The following MUS81 variants were observed in gnomAD, a reference collection of about 807,000 sequenced individuals.
The protein encoded by MUS81 is structure-specific endonuclease subunit MUS81.
Under a neutral mutation model 74.2 loss-of-function variants are expected in MUS81, and 69 were observed. The observed-to-expected ratio is 0.93, with a 90% CI of 0.77 to 1.14. The LOEUF is 1.14. Among genes scored for constraint, MUS81 ranks in the 50% most tolerant of loss-of-function variants. MUS81 has a pLI of 0.00. For synonymous variants in MUS81, 303 were observed against 300.6 expected (o/e 1.01, Z -0.08); for missense variants, 711 against 726.5 (o/e 0.98, Z 0.25).
chr11:65,861,579 G>A, intron 3 of MUS81, 144 bp downstream of exon 3: 1 of 661,564 alleles, frequency 1.5e-6, no homozygotes, highest in South Asian at 1.9e-5. Context: ...TTTCGACTTA[G>A]TATTTTAACC....
chr11:65,863,611 G>C lies in MUS81; in HGVS notation c.851G>C (p.Arg284Thr), dbSNP rs1219391440. ...CCTTGCCACTCCAGGGGCGGGCACA[G>C]GCCGGAGCTGCTCCGAGAGCTACAG... ...DIGETRGGGH[R>T]PELLRELQRL... The change falls in exon 9 of 16, where the codon AGG becomes ACG. Residue 284 changes from arginine (R) to threonine (T), a missense_variant. Coordinates refer to ENST00000308110, the MANE Select transcript of MUS81 (RefSeq NM_025128.5). The C allele has an allele frequency of 1.9e-6, 3 of 1,614,010 alleles. No homozygotes were observed. The East Asian group carries it at 6.7e-5, about 36-fold the overall frequency.
In MUS81 at chr11:65,864,728, T is replaced by G; in HGVS notation, c.1185T>G (p.Asp395Glu). ...TGGGTCCTCTTCCCCAGGTCATTGA[T>G]GGCTTTTTTGTGAAGCGCACAGCAG... is the stretch of plus-strand genomic sequence containing the variant. The part of the protein sequence containing the change: ...LQAVTNTQVI[D>E]GFFVKRTADI... The change falls in exon 12 of 16, where the codon GAT (aspartate) becomes GAG (glutamate). Residue 395 changes from aspartate to glutamate, a missense_variant. Asp to Glu is a conservative substitution (Grantham distance 45). Coordinates refer to ENST00000308110, the MANE Select transcript of MUS81 (RefSeq NM_025128.5). 6.2e-7 allele frequency: 1 copy of G among 1,614,130 alleles called. No individual in the cohort carries two copies. The highest frequency in any genetic ancestry group is 1.7e-4 in the Middle Eastern group (1 of 6,060).
intron 10 of MUS81, 140 bp from the exon 11 acceptor site, chr11:65,864,357 C>T: frequency 1.4e-6 from 1 of 721,038 alleles, no homozygotes; most frequent in Non-Finnish European, 2.4e-6. Flanking sequence ...CCCTGTGAGG[C>T]AGGTGGAGAG....
chr11:65,862,366 C>T (rs1409640766), intron 5 of MUS81, 78 bp from the exon 6 acceptor site: 44 of 1,588,412 alleles, frequency 2.8e-5, no homozygotes, highest in Non-Finnish European at 3.7e-5. Flanking sequence ...CCATGTGTGG[C>T]CCATGGCTGG....
chr11:65,861,961 C>A lies in MUS81; in HGVS notation c.366C>A (p.Pro122=), dbSNP rs773803879. Reference sequence around the variant, plus strand: ...GTACCTTTCAGGTTCCTGCCCAGCCCAAAGCGGGAGGCTCTGGCAGCTACT... The same window carrying A: ...GTACCTTTCAGGTTCCTGCCCAGCCAAAAGCGGGAGGCTCTGGCAGCTACT... ...QDSSMPVPAQ[P]KAGGSGSYWP... Residue 122 remains proline (P), a synonymous_variant, in exon 4 of 16, where the codon CCC becomes CCA. Transcript: ENST00000308110. 1 of 1,610,530 alleles carries A rather than the reference C, an allele frequency of 6.2e-7. No individual in the cohort carries two copies. The highest frequency in any genetic ancestry group is 1.7e-5 in the Admixed American group (1 of 59,596).
At position 65,866,190 on chromosome 11, in the gene MUS81, T is replaced by C. The variant is rs1327805092; in HGVS notation, c.*138T>C. ...GTGTCATGTAGAAGATGCCTAGCCC[T>C]GGGGACCTTGTGAAATACGCAGGAA... On this transcript the variant is annotated 3_prime_UTR_variant, in exon 16 of 16. Transcript: ENST00000308110. 1.2e-5 allele frequency: 10 copies of C among 815,112 alleles called. No homozygotes were observed. Among genetic ancestry groups the C allele is most frequent in the African/African-American group, 1.7e-5 (1 of 57,862 alleles). The allele number at this position is 815,112 out of a possible 1,614,324, so 50.5% of individuals were successfully genotyped here.
Position 65,864,793 on chromosome 11 carries a change from G to A in MUS81, c.1250G>A (p.Arg417Gln), listed in dbSNP as rs767593729. The A allele has an allele frequency of 9.9e-6, 16 of 1,613,026 alleles. No individual in the cohort carries two copies. The highest frequency in any genetic ancestry group is 7.7e-5 in the South Asian group (7 of 91,070). The change falls in exon 12 of 16, where the codon CGG (arginine) becomes CAG (glutamine). Residue 417 changes from arginine to glutamine, a missense_variant. Transcript: ENST00000308110. ...GCCGCCTACCTGGCCCTCTTGACGC[G>A]GGGCCTGCAGAGACTCTACCAGGTG... ...ESAAYLALLT[R>Q]GLQRLYQGHT... is the part of the protein sequence containing the mutation.
chr11:65,863,713 G>A lies in MUS81; in HGVS notation c.953G>A (p.Arg318Lys). 1 of 1,614,052 alleles carries A rather than the reference G, an allele frequency of 6.2e-7. No individual in the cohort carries two copies. The highest frequency in any genetic ancestry group is 2.2e-5 in the East Asian group (1 of 44,880). Residue 318 changes from arginine (R) to lysine (K), a missense_variant, in exon 9 of 16, where the codon AGA (arginine) becomes AAA (lysine). Arg to Lys is a conservative substitution (Grantham distance 26, BLOSUM62 2). Transcript: ENST00000308110. ...FVWVAQETNPRDPANPGELVL... is the reference protein window; with the variant it reads ...FVWVAQETNPKDPANPGELVL... The stretch of plus-strand genomic sequence containing the variant: ...TGGGTGGCCCAGGAGACCAATCCTA[G>A]AGACCCAGGTGAAGGGCCGTGGACA...
intron 3 of MUS81, 41 bp from the exon 4 acceptor site, chr11:65,861,906 C>A: frequency 6.6e-7 from 1 of 1,509,208 alleles, no homozygotes; most frequent in Middle Eastern, 1.7e-4. Flanking sequence ...TCAAAGATGA[C>A]TGGCTGGCTT....
intron 3 of MUS81, 179 bp from the exon 4 acceptor site, chr11:65,861,768 G>T (rs1330243282): frequency 4.7e-6 from 3 of 636,440 alleles, no homozygotes; most frequent in Non-Finnish European, 8.4e-6. Context: ...CCACTGCCCC[G>T]AAACTGCCTG....
At chr11:65,864,110 G>C (rs1384414541) in intron 10 of MUS81, 1 of 612,296 alleles carries the variant, frequency 1.6e-6, no homozygotes, top group African/African-American at 1.8e-5. Flanking sequence ...CTTGGGCTGA[G>C]GTCAGGAGCA....
Position 65,866,208 on chromosome 11 carries a change from C to T in MUS81, c.*156C>T, listed in dbSNP as rs112683900. Reference sequence around the variant, plus strand: ...CTAGCCCTGGGGACCTTGTGAAATACGCAGGAACCAGGGATACCATCTGGT... The same window carrying T: ...CTAGCCCTGGGGACCTTGTGAAATATGCAGGAACCAGGGATACCATCTGGT... On this transcript the variant is annotated 3_prime_UTR_variant, in exon 16 of 16. Coordinates refer to ENST00000308110, the MANE Select transcript of MUS81 (RefSeq NM_025128.5). 15 of 705,360 alleles carry T rather than the reference C, an allele frequency of 2.1e-5. No homozygotes were observed. Among genetic ancestry groups the T allele is most frequent in the Middle Eastern group, 2.5e-4 (1 of 3,930 alleles). The allele number at this position is 705,360 out of a possible 1,614,324, so 43.7% of individuals were successfully genotyped here.
rs566606681 is a variant in MUS81, at chr11:65,860,983, C to G, written c.146C>G (p.Ser49Cys). Reference sequence around the variant, plus strand: ...CCCCTGCCCGGCCAGGCGCTGCGTTCCCTCCGACGGTACCCACTGCCGCTG... The same window carrying G: ...CCCCTGCCCGGCCAGGCGCTGCGTTGCCTCCGACGGTACCCACTGCCGCTG... Reference protein sequence around the residue: ...TRFVFQKALRSLRRYPLPLRS... With the variant: ...TRFVFQKALRCLRRYPLPLRS... Residue 49 changes from serine to cysteine, a missense_variant, in exon 2 of 16, where the codon TCC (serine) becomes TGC (cysteine). Ser to Cys is a moderately radical substitution (Grantham distance 112). Transcript: ENST00000308110. The G allele has an allele frequency of 6.2e-7, 1 of 1,611,968 alleles. No homozygotes were observed. The highest frequency in any genetic ancestry group is 2.2e-5 in the East Asian group (1 of 44,854).
intron 6 of MUS81, 116 bp from the exon 7 acceptor site, chr11:65,862,949 G>A (rs1013180246): frequency 7.4e-7 from 1 of 1,349,672 alleles, no homozygotes; most frequent in Admixed American, 1.7e-5. Flanking sequence ...AGCCACTGGG[G>A]TCATTTGTGC....
chr11:65,867,027 G>A (rs761729008), downstream of MUS81: 1 of 1,614,132 alleles, frequency 6.2e-7, no homozygotes, highest in Non-Finnish European at 8.5e-7. Flanking sequence ...GTACTCCCGG[G>A]GGCCCGTCAC....
chr11:65,862,406 A>G, intron 5 of MUS81, 38 bp from the exon 6 acceptor site: 2 of 1,597,182 alleles, frequency 1.3e-6, no homozygotes, highest in Non-Finnish European at 8.6e-7. Flanking sequence ...TTGTGGTGGT[A>G]CCAGGTGCTC....
intron 10 of MUS81, 189 bp from the exon 11 acceptor site, chr11:65,864,308 T>C (rs963187639): frequency 3.5e-5 from 22 of 621,000 alleles, no homozygotes; most frequent in Non-Finnish European, 6.0e-5. Context: ...GAAAAGGCTT[T>C]CTAGACAAGA....
chr11:65,864,851 GCC>G, intron 12 of MUS81, 36 bp downstream of exon 12: 1 of 1,599,102 alleles, frequency 6.3e-7, no homozygotes, highest in Non-Finnish European at 8.5e-7. Flanking sequence ...TCGGGACAGA[GCC>G]CACAAGGAAT....
chr11:65,861,843 T>G, intron 3 of MUS81, 104 bp from the exon 4 acceptor site: 3 of 870,968 alleles, frequency 3.4e-6, no homozygotes, highest in Non-Finnish European at 5.4e-6. Context: ...AGAAGGAAAC[T>G]GAGAGACAAC....
Sources: allele counts gnomAD v4.1 joint callset, GRCh38; gene constraint gnomAD v4.1.1; transcripts MANE v1.5; gene names NCBI Gene and HGNC (gene_info 2026-07-23, HGNC 2026-07-21).